Variants in COX15 observed in about 807,000 individuals in gnomAD.
COX15 encodes cytochrome c oxidase assembly factor COX15.
COX15 carries 51 observed loss-of-function variants against 51.9 expected under a neutral mutation model. The observed-to-expected ratio is 0.98, with a 90% CI of 0.78 to 1.24. The LOEUF (loss-of-function observed/expected upper bound fraction) is 1.24, where lower values mean the gene tolerates loss of function less well. COX15 is among the 50% of genes most tolerant of loss of function. The probability of loss-of-function intolerance (pLI) is 0.00; values close to 1 mark genes in which losing one functional copy is unlikely to be tolerated. For missense variants in COX15, 420 were observed against 501.1 expected, an observed-to-expected ratio of 0.84 and a Z score of 1.55; for synonymous variants, 188 against 190.5, an observed-to-expected ratio of 0.99 and a Z score of 0.11.
chr10:99,704,664 G>C, the COX15 span: 1 of 1,613,880 alleles, frequency 6.2e-7, no homozygotes, highest in Non-Finnish European at 8.5e-7. Flanking sequence ...CCCATGATGG[G>C]AGTACAGGTG....
At position 99,713,720 on chromosome 10, in the gene COX15, A is replaced by G. The variant is rs1259079526; in HGVS notation, c.*867T>C. ...CGTGGTGGCCCATGCCTGTAATCTCAGCACTTTGGGAAGCCGAGATGGGCG... is the reference window on the plus strand; with the variant it reads ...CGTGGTGGCCCATGCCTGTAATCTCGGCACTTTGGGAAGCCGAGATGGGCG... On this transcript the variant is annotated 3_prime_UTR_variant, in exon 9 of 9. Coordinates refer to ENST00000016171, the MANE Select transcript of COX15 (RefSeq NM_078470.6). 9 of 602,852 alleles carry G rather than the reference A, an allele frequency of 1.5e-5. No individual in the cohort carries two copies. The highest frequency in any genetic ancestry group is 2.4e-5 in the Non-Finnish European group (9 of 371,994). 37.3% of individuals were successfully genotyped at this position (602,852 alleles called of 1,614,324 possible).
At chr10:99,704,483 C>T in the COX15 span, 70 of 1,614,122 alleles carry the variant, frequency 4.3e-5, no homozygotes, top group Non-Finnish European at 5.7e-5. Context: ...CCGACAAGCC[C>T]ATGGTAGCTG....
In COX15 at chr10:99,713,046, C is replaced by CCT; in HGVS notation, c.*1540_*1541insAG. 1 of 1,167,908 alleles carries CCT rather than the reference C, an allele frequency of 8.6e-7. No individual in the cohort carries two copies. Among genetic ancestry groups the CCT allele is most frequent in the Admixed American group, 4.2e-5 (1 of 23,746 alleles). The allele number at this position is 1,167,908 out of a possible 1,614,324, so 72.3% of individuals were successfully genotyped here. On this transcript the variant is annotated 3_prime_UTR_variant, in exon 9 of 9. Coordinates refer to ENST00000016171, the MANE Select transcript of COX15 (RefSeq NM_078470.6). The stretch of plus-strand genomic sequence containing the variant: ...TTCTTCTGGATACACACTTAGTGGC[C>CCT]ATCAATATCTTGCTTAAATTTGGTA...
In COX15 at chr10:99,720,406, A is replaced by G. The variant is rs555609281; in HGVS notation, c.832+581T>C. On this transcript the variant is annotated intron_variant, in intron 6 of 8. Coordinates refer to ENST00000016171, the MANE Select transcript of COX15 (RefSeq NM_078470.6). ...GGTTGCAGTGAGCTGAGATCATGCCACTGCACTCCAGCCTGGGCAACAGAG... is the reference window on the plus strand; with the variant it reads ...GGTTGCAGTGAGCTGAGATCATGCCGCTGCACTCCAGCCTGGGCAACAGAG... Among the ~76,000 whole-genome samples the G allele has an allele frequency of 2.0e-5, 3 of 152,278 alleles. No homozygotes were observed. In the East Asian group the frequency reaches 5.8e-4, roughly 29 times the overall value.
chr10:99,721,099 CTG>C (rs1463245497), intron 5 of COX15, 31 bp from the exon 6 acceptor site: 2 of 1,571,912 alleles, frequency 1.3e-6, no homozygotes, highest in Non-Finnish European at 1.7e-6. Context: ...TTCAGTTAAA[CTG>C]TGTTGCAGGA....
At chr10:99,697,050 T>C in the COX15 span, among the ~76,000 whole-genome samples, 1 of 152,234 alleles carries the variant, frequency 6.6e-6, no homozygotes, top group African/African-American at 2.4e-5. Context: ...GAAGAAGTAC[T>C]GGTATACCCC....
the COX15 span, chr10:99,696,266 T>A: frequency 1.1e-6 from 1 of 930,908 alleles, no homozygotes. Context: ...TAGCATCTCT[T>A]AAAGACCTCT....
At chr10:99,727,320 CAAGCTGACTAAACAT>C in intron 3 of COX15, 106 bp downstream of exon 3, 1 of 1,510,966 alleles carries the variant, frequency 6.6e-7, no homozygotes, top group Non-Finnish European at 9.1e-7. Context: ...GCTTAGAAGA[CAAGCTGACTAAACAT>C]AACTGAACCG....
chr10:99,701,107 G>A, the COX15 span: 1 of 1,423,580 alleles, frequency 7.0e-7, no homozygotes, highest in Non-Finnish European at 9.9e-7. Context: ...AATCTAGATG[G>A]CAGATTATAA....
In COX15 at chr10:99,732,065, C is replaced by G. The variant is rs759244770; in HGVS notation, c.-16G>C. ...ATCGCTGCATACTGATGACAGGGAA[C>G]AGCCACCTCTTCCACAACCCAGGGC... On this transcript the variant is annotated 5_prime_UTR_variant, in exon 1 of 9. Coordinates refer to ENST00000016171, the MANE Select transcript of COX15 (RefSeq NM_078470.6). 93 of 1,610,098 alleles carry G rather than the reference C, an allele frequency of 5.8e-5. No individual in the cohort carries two copies. The highest frequency in any genetic ancestry group is 7.7e-5 in the Non-Finnish European group (91 of 1,178,352).
intron 6 of COX15, among the ~76,000 whole-genome samples, chr10:99,718,813 G>A (rs911211555): frequency 2.6e-5 from 4 of 151,984 alleles, no homozygotes; most frequent in Non-Finnish European, 5.9e-5. Context: ...TGATTTTGAT[G>A]CCCTCCTCAC....
intron 4 of COX15, among the ~76,000 whole-genome samples, chr10:99,725,182 G>A (rs2036909964): frequency 6.6e-6 from 1 of 152,116 alleles, no homozygotes; most frequent in South Asian, 2.1e-4. Context: ...ACTCCCACTT[G>A]CCAGTAGAAT....
intron 6 of COX15, 129 bp from the exon 7 acceptor site, chr10:99,718,629 C>T: frequency 1.1e-6 from 1 of 940,716 alleles, no homozygotes; most frequent in South Asian, 1.3e-5. Flanking sequence ...ATAGACATAT[C>T]TGCAACAGGA....
At chr10:99,700,186 C>G in the COX15 span, among the ~76,000 whole-genome samples, 2 of 152,132 alleles carry the variant, frequency 1.3e-5, no homozygotes, top group Non-Finnish European at 2.9e-5. Flanking sequence ...CCCTTGAACA[C>G]CAAAAGGCTC....
chr10:99,704,359 T>C, the COX15 span: 13 of 1,232,736 alleles, frequency 1.1e-5, no homozygotes, highest in Non-Finnish European at 1.4e-5. Context: ...ATGGAATAAA[T>C]GTGATAACAC....
At chr10:99,724,780 G>T (rs2036897523) in intron 4 of COX15, among the ~76,000 whole-genome samples, 2 of 151,208 alleles carry the variant, frequency 1.3e-5, no homozygotes, top group East Asian at 3.9e-4. Context: ...AAACTAGATT[G>T]AATGTTTTGG....
intron 7 of COX15, 97 bp from the exon 8 acceptor site, chr10:99,716,558 G>A (rs774914863): frequency 2.3e-5 from 18 of 790,270 alleles, no homozygotes; most frequent in Non-Finnish European, 3.3e-5. Flanking sequence ...CAACCATGAA[G>A]TACTTTCCTG....
chr10:99,726,808 C>T (rs2133618867), intron 4 of COX15, among the ~76,000 whole-genome samples, 160 bp downstream of exon 4: 1 of 151,034 alleles, frequency 6.6e-6, no homozygotes, highest in East Asian at 2.0e-4. Flanking sequence ...ATGGTATGAA[C>T]CTGGGAGGCG....
At chr10:99,702,417 T>C in the COX15 span, 2 of 1,126,722 alleles carry the variant, frequency 1.8e-6, no homozygotes, top group Admixed American at 3.0e-5. Context: ...GGTAGGTCTT[T>C]TAATAACTTG....
Sources: gnomAD v4.1 joint callset for allele counts (sites outside exome capture counted in the v4.1 genomes callset) on GRCh38, gnomAD v4.1.1 for gene constraint, MANE v1.5 for transcripts, NCBI Gene and HGNC (gene_info 2026-07-23, HGNC 2026-07-21) for gene names.